SHLD2: variants seen among roughly 807,000 people sequenced by gnomAD.
The protein encoded by SHLD2 is shieldin complex subunit 2.
SHLD2 carries 30 observed loss-of-function variants against 73.2 expected under a neutral mutation model. That is an observed-to-expected ratio of 0.41 (90% CI 0.31 to 0.56). SHLD2 has a LOEUF of 0.56. SHLD2 is among the 20% of genes least tolerant of loss of function. SHLD2 has a pLI of 0.28. For synonymous variants in SHLD2, 285 were observed against 370.1 expected (o/e 0.77, Z 2.64); for missense variants, 745 against 1,055.9 (o/e 0.71, Z 4.08).
At chr10:87,188,642 AAATT>A (rs1431356932) in intron 9 of SHLD2, among the ~76,000 whole-genome samples, 5 of 152,164 alleles carry the variant, frequency 3.3e-5, no homozygotes, top group African/African-American at 1.2e-4. Context: ...TTATTAATAA[AAATT>A]AATCACATTC....
At chr10:87,149,244 T>C (rs1845847334) in intron 2 of SHLD2, among the ~76,000 whole-genome samples, 1 of 151,904 alleles carries the variant, frequency 6.6e-6, no homozygotes, top group Non-Finnish European at 1.5e-5. Flanking sequence ...GATATATTAA[T>C]GTATTTTGAA....
rs114407295 is a variant in SHLD2, at chr10:87,155,877, G to A, written c.1526-2171G>A. ...TTTTTTTTAAAAATCAGATTTTTTT[G>A]TCTTTTTAAGAAAAAGAGGACCTAG... On this transcript the variant is annotated intron_variant, in intron 3 of 9. Coordinates refer to ENST00000298786, the MANE Select transcript of SHLD2 (RefSeq NM_001330112.2). Among the ~76,000 whole-genome samples the A allele has an allele frequency of 3.7e-3, 559 of 151,632 alleles. 5 individuals are homozygous for A. Among genetic ancestry groups the A allele is most frequent in the African/African-American group, 0.013 (536 of 41,344 alleles).
rs566217354 is a variant in SHLD2, at chr10:87,112,350, C to T, written c.-6+15361C>T. On this transcript the variant is annotated intron_variant, in intron 2 of 9. Coordinates refer to ENST00000298786, the MANE Select transcript of SHLD2 (RefSeq NM_001330112.2). ...ATGAAAAGGTGTTGAAATCATTATT[C>T]ATTAGGGAAATGCAAATAAAAATCA... Among the ~76,000 whole-genome samples the T allele has an allele frequency of 1.3e-3, 194 of 151,968 alleles. 6 individuals carry two copies. In the South Asian group the frequency reaches 0.04, roughly 31 times the overall value.
intron 4 of SHLD2, among the ~76,000 whole-genome samples, chr10:87,162,512 A>G (rs968459619): frequency 8.5e-5 from 13 of 152,110 alleles, no homozygotes; most frequent in African/African-American, 2.7e-4. Flanking sequence ...TGGGCAACAT[A>G]GTGAGACCCT....
At chr10:87,116,320 TCAG>T (rs1192785647) in intron 2 of SHLD2, among the ~76,000 whole-genome samples, 2 of 151,300 alleles carry the variant, frequency 1.3e-5, no homozygotes, top group Admixed American at 1.3e-4. Flanking sequence ...GAGAGAGACT[TCAG>T]CATGTTTATA....
intron 2 of SHLD2, among the ~76,000 whole-genome samples, chr10:87,103,158 C>T (rs566985267): frequency 2.8e-4 from 42 of 150,468 alleles, no homozygotes; most frequent in African/African-American, 8.6e-4. Flanking sequence ...TGTAGTGAGC[C>T]GAGATCTCAC....
intron 4 of SHLD2, among the ~76,000 whole-genome samples, chr10:87,166,793 T>A (rs1262320279): frequency 6.6e-6 from 1 of 152,248 alleles, no homozygotes; most frequent in Non-Finnish European, 1.5e-5. Context: ...AAGAATAATT[T>A]GCCCTATCAG....
intron 2 of SHLD2, among the ~76,000 whole-genome samples, chr10:87,145,465 CTT>C (rs1845537048): frequency 6.6e-6 from 1 of 151,812 alleles, no homozygotes; most frequent in African/African-American, 2.4e-5. Flanking sequence ...AAATCCCTTG[CTT>C]TTAATTACAA....
At chr10:87,118,691 A>G (rs554890757) in intron 2 of SHLD2, among the ~76,000 whole-genome samples, 159 of 148,998 alleles carry the variant, frequency 1.1e-3, no homozygotes, top group African/African-American at 3.6e-3. Flanking sequence ...ACTCCTGAGT[A>G]GCTGAAAATA....
intron 2 of SHLD2, among the ~76,000 whole-genome samples, chr10:87,107,887 GTTTGTTT>G (rs1842698391): frequency 6.6e-6 from 1 of 150,746 alleles, no homozygotes; most frequent in Non-Finnish European, 1.5e-5. Flanking sequence ...CTTTTTGTTT[GTTTGTTT>G]TTTGTTTTTT....
intron 4 of SHLD2, among the ~76,000 whole-genome samples, chr10:87,165,420 G>C (rs1277876073): frequency 6.6e-6 from 1 of 152,148 alleles, no homozygotes; most frequent in Non-Finnish European, 1.5e-5. Context: ...TTAACTGAGT[G>C]ATTGGGATAA....
At chr10:87,156,355 G>C (rs542362548) in intron 3 of SHLD2, among the ~76,000 whole-genome samples, 1 of 152,102 alleles carries the variant, frequency 6.6e-6, no homozygotes, top group Non-Finnish European at 1.5e-5. Context: ...GTGAGCCATC[G>C]CGCCCGGCCC....
At chr10:87,109,765 T>C (rs1259992105) in intron 2 of SHLD2, among the ~76,000 whole-genome samples, 1 of 152,226 alleles carries the variant, frequency 6.6e-6, no homozygotes, top group Non-Finnish European at 1.5e-5. Flanking sequence ...CTTTCCTCTG[T>C]GCTGGAGTCT....
chr10:87,108,697 A>G (rs555723136), intron 2 of SHLD2, among the ~76,000 whole-genome samples: 1 of 152,356 alleles, frequency 6.6e-6, no homozygotes, highest in African/African-American at 2.4e-5. Flanking sequence ...ACTTTAGGAT[A>G]AAAAGTCAGT....
chr10:87,098,793 C>T lies in SHLD2; in HGVS notation c.-6+1804C>T, dbSNP rs535314151. ...AAGGTTTTTTTTTATTTTTATTTTT[C>T]GAGACAGGGTCTCACTGTGTCACCC... On this transcript the variant is annotated intron_variant, in intron 2 of 9. Coordinates refer to ENST00000298786, the MANE Select transcript of SHLD2 (RefSeq NM_001330112.2). 5.9e-5 allele frequency among the ~76,000 whole-genome samples: 9 copies of T among 151,596 alleles called. No homozygotes were observed. In the South Asian group the frequency reaches 8.3e-4, roughly 14 times the overall value.
chr10:87,190,838 T>A lies in SHLD2; in HGVS notation c.*155T>A. ...AGATATATAAATTAAAACTTTTTTC[T>A]AAGAAAATCCTGTGAGGTTTAAAAA... On this transcript the variant is annotated 3_prime_UTR_variant, in exon 10 of 10. Transcript: ENST00000298786. 1 of 636,512 alleles carries A rather than the reference T, an allele frequency of 1.6e-6. No individual in the cohort carries two copies. Among genetic ancestry groups the A allele is most frequent in the South Asian group, 2.0e-5 (1 of 48,838 alleles). The allele number at this position is 636,512 out of a possible 1,614,324, so 39.4% of individuals were successfully genotyped here.
chr10:87,136,062 G>A (rs1305318031), intron 2 of SHLD2, among the ~76,000 whole-genome samples: 1 of 151,406 alleles, frequency 6.6e-6, no homozygotes, highest in Non-Finnish European at 1.5e-5. Context: ...CTTCTGCATG[G>A]GAGATTTGTC....
intron 2 of SHLD2, among the ~76,000 whole-genome samples, chr10:87,148,557 G>T (rs1267510521): frequency 7.8e-6 from 1 of 128,706 alleles, no homozygotes; most frequent in Non-Finnish European, 1.6e-5. Context: ...AAACAAGTTT[G>T]TGGGGGGGCG....
chr10:87,158,213 G>C (rs1846573828), intron 4 of SHLD2, 58 bp downstream of exon 4: 1 of 1,538,322 alleles, frequency 6.5e-7, no homozygotes, highest in African/African-American at 1.4e-5. Flanking sequence ...AAACATACTA[G>C]GAAAGATTAG....
Sources: gnomAD v4.1 joint callset for allele counts (sites outside exome capture counted in the v4.1 genomes callset) on GRCh38, gnomAD v4.1.1 for gene constraint, MANE v1.5 for transcripts, NCBI Gene and HGNC (gene_info 2026-07-23, HGNC 2026-07-21) for gene names.